Variants in AGPAT4 observed in about 807,000 individuals in gnomAD.
The protein encoded by AGPAT4 is 1-acylglycerol-3-phosphate O-acyltransferase 4.
In AGPAT4, 15 loss-of-function variants were observed where a neutral mutation model predicts 48.0. That is an observed-to-expected ratio of 0.31 (90% CI 0.21 to 0.48). AGPAT4 has a LOEUF of 0.48. Among genes scored for constraint, AGPAT4 ranks in the 20% least tolerant of loss-of-function variants. The pLI, the probability that AGPAT4 is intolerant of heterozygous loss-of-function variation, is 0.99. For missense variants in AGPAT4, 314 were observed against 482.5 expected (o/e 0.65, Z 3.27); for synonymous variants, 178 against 198.7 (o/e 0.90, Z 0.88).
At chr6:161,185,433 G>A (rs114920887) in intron 2 of AGPAT4, among the ~76,000 whole-genome samples, 2,341 of 152,072 alleles carry the variant, frequency 0.015, 60 homozygotes, top group African/African-American at 0.054. Context: ...TGGGGCTACA[G>A]GCCTGAGCCA....
chr6:161,183,982 C>T (rs1780689984), intron 2 of AGPAT4, among the ~76,000 whole-genome samples: 1 of 151,970 alleles, frequency 6.6e-6, no homozygotes, highest in Non-Finnish European at 1.5e-5. Context: ...GGCTCTTACT[C>T]TTGGTGAGAC....
In AGPAT4 at chr6:161,255,169, T is replaced by C. The variant is rs1782914082; in HGVS notation, c.-90+18769A>G. Reference sequence around the variant, plus strand: ...CCCTGTAATACCTCACACATCCAGTTCTCCTTCATTAGCTCTATGATAATG... The same window carrying C: ...CCCTGTAATACCTCACACATCCAGTCCTCCTTCATTAGCTCTATGATAATG... On this transcript the variant is annotated intron_variant, in intron 1 of 8. Coordinates refer to ENST00000320285, the MANE Select transcript of AGPAT4 (RefSeq NM_020133.3). The surrounding 1 kb of genome is among the most constrained non-coding windows in gnomAD (Gnocchi z 4.7). Among the ~76,000 whole-genome samples, 1 of 152,122 alleles carries C rather than the reference T, an allele frequency of 6.6e-6. No individual in the cohort carries two copies. Among genetic ancestry groups the C allele is most frequent in the Non-Finnish European group, 1.5e-5 (1 of 68,020 alleles).
At position 161,197,194 on chromosome 6, in the gene AGPAT4, C is replaced by T. The variant is rs1224046815; in HGVS notation, c.179-30777G>A. 4.6e-5 allele frequency among the ~76,000 whole-genome samples: 7 copies of T among 152,076 alleles called. No homozygotes were observed. The highest frequency in any genetic ancestry group is 7.4e-5 in the Non-Finnish European group (5 of 68,006). ...AAAATGAGATAAACCAATGCTTTTC[C>T]CTTTGGCCTTCTCCGAACGTTGAAT... On this transcript the variant is annotated intron_variant, in intron 2 of 8. Transcript: ENST00000320285. This position sits in a 1 kb window ranked among gnomAD's most constrained non-coding sequence, Gnocchi z 5.7.
intron 2 of AGPAT4, among the ~76,000 whole-genome samples, chr6:161,182,118 T>G (rs551621310): frequency 4.6e-5 from 7 of 152,156 alleles, no homozygotes; most frequent in South Asian, 2.1e-4. Flanking sequence ...CAAAGCAGAT[T>G]CTTGATGACA....
At position 161,153,387 on chromosome 6, in the gene AGPAT4, G is replaced by A. The variant is rs748017058; in HGVS notation, c.623C>T (p.Thr208Ile). Residue 208 changes from threonine to isoleucine, a missense_variant, in exon 5 of 9, where the codon ACC becomes ATC. Thr to Ile is a moderately conservative substitution (Grantham distance 89). Coordinates refer to ENST00000320285, the MANE Select transcript of AGPAT4 (RefSeq NM_020133.3). ...CCTCACGGTGATGGCGAAGCCCTTG[G>A]TTCGTGGCAACAGGTGATGCTTGAG... The part of the protein sequence containing the change: ...PRLKHHLLPR[T>I]KGFAITVRSL... 6.2e-7 allele frequency: 1 copy of A among 1,610,920 alleles called. No individual in the cohort carries two copies. Among genetic ancestry groups the A allele is most frequent in the South Asian group, 1.1e-5 (1 of 90,158 alleles).
Position 161,147,031 on chromosome 6 carries a change from C to T in AGPAT4, c.768-432G>A, listed in dbSNP as rs751394153. On this transcript the variant is annotated intron_variant, in intron 6 of 8. Transcript: ENST00000320285. This position sits in a 1 kb window ranked among gnomAD's most constrained non-coding sequence, Gnocchi z 4.8. ...AGTAATTTCTTCTTAGCCAAGTAAC[C>T]AACTTACTGGTAATGGCAGATTATC... is the stretch of plus-strand genomic sequence containing the variant. Among the ~76,000 whole-genome samples, 5 of 152,184 alleles carry T rather than the reference C, an allele frequency of 3.3e-5. No individual in the cohort carries two copies. The highest frequency in any genetic ancestry group is 4.8e-5 in the African/African-American group (2 of 41,440).
Position 161,232,976 on chromosome 6 carries a change from A to G in AGPAT4, c.-89-674T>C, listed in dbSNP as rs1031738448. On this transcript the variant is annotated intron_variant, in intron 1 of 8. Transcript: ENST00000320285. This position sits in a 1 kb window ranked among gnomAD's most constrained non-coding sequence, Gnocchi z 6.8. ...ACTTAATTTTAAAAAATATTTGTAG[A>G]ATGATTTAGTGAAGGTACACGAGGG... Among the ~76,000 whole-genome samples, 9 of 152,156 alleles carry G rather than the reference A, an allele frequency of 5.9e-5. No homozygotes were observed. The East Asian group carries it at 1.7e-3, about 29-fold the overall frequency.
At chr6:161,241,700 C>T (rs1034016859) in intron 1 of AGPAT4, among the ~76,000 whole-genome samples, 4 of 152,126 alleles carry the variant, frequency 2.6e-5, no homozygotes, top group Admixed American at 6.6e-5. Flanking sequence ...TAAGGCTTTC[C>T]GTAGCTTTAA....
chr6:161,155,759 G>A lies in AGPAT4; in HGVS notation c.349-1449C>T, dbSNP rs978501648. ...ATCCCCGTGGGTGGGTGAACCCACT[G>A]GTGCGGGTGTGAGGGCTTACCGTGT... On this transcript the variant is annotated intron_variant, in intron 3 of 8. Coordinates refer to ENST00000320285, the MANE Select transcript of AGPAT4 (RefSeq NM_020133.3). The surrounding 1 kb of genome is among the most constrained non-coding windows in gnomAD (Gnocchi z 5.8). 7.6e-4 allele frequency among the ~76,000 whole-genome samples: 116 copies of A among 152,340 alleles called. No homozygotes were observed. Among genetic ancestry groups the A allele is most frequent in the African/African-American group, 2.6e-3 (108 of 41,590 alleles).
chr6:161,183,885 G>C (rs889148576), intron 2 of AGPAT4, among the ~76,000 whole-genome samples: 2 of 151,666 alleles, frequency 1.3e-5, no homozygotes, highest in Non-Finnish European at 2.9e-5. Flanking sequence ...CCATATTCAA[G>C]GACAGCAAGG....
At position 161,218,627 on chromosome 6, in the gene AGPAT4, C is replaced by T. The variant is rs922942509; in HGVS notation, c.178+13409G>A. On this transcript the variant is annotated intron_variant, in intron 2 of 8. Transcript: ENST00000320285. The surrounding 1 kb of genome is among the most constrained non-coding windows in gnomAD (Gnocchi z 4.7). ...AACACCGGGGCAGGATCCTCCGCTC[C>T]ACGGCCCTAGCACAGTGTATCCACA... Among the ~76,000 whole-genome samples, 4 of 152,178 alleles carry T rather than the reference C, an allele frequency of 2.6e-5. No individual in the cohort carries two copies. The East Asian group carries it at 7.7e-4, about 29-fold the overall frequency.
rs1781709719 is a variant in AGPAT4 at position 161,218,222 on chromosome 6, G to T, written c.178+13814C>A. ...GGAAAATGGTTAACAACCAGCTCTT[G>T]TGTGGCAGGGGAGGCAGTAGGTGGG... On this transcript the variant is annotated intron_variant, in intron 2 of 8. Transcript: ENST00000320285. The surrounding 1 kb of genome is among the most constrained non-coding windows in gnomAD (Gnocchi z 4.7). Among the ~76,000 whole-genome samples, 1 of 152,166 alleles carries T rather than the reference G, an allele frequency of 6.6e-6. No homozygotes were observed.
intron 1 of AGPAT4, among the ~76,000 whole-genome samples, chr6:161,265,626 A>C (rs938657827): frequency 6.6e-6 from 1 of 152,232 alleles, no homozygotes; most frequent in East Asian, 1.9e-4. Context: ...TGCCTCTCTC[A>C]ATTTGTTCTT....
chr6:161,260,160 C>T (rs1184758703), intron 1 of AGPAT4, among the ~76,000 whole-genome samples: 1 of 152,192 alleles, frequency 6.6e-6, no homozygotes, highest in East Asian at 1.9e-4. Flanking sequence ...TCCCACCGCA[C>T]ATGGGAGTGT....
chr6:161,166,285 C>A lies in AGPAT4; in HGVS notation c.311G>T (p.Cys104Phe). The change falls in exon 3 of 9, where the codon TGT becomes TTT. Residue 104 changes from cysteine to phenylalanine, a missense_variant. Physicochemically the swap from Cys to Phe is radical, Grantham distance 205. Coordinates refer to ENST00000320285, the MANE Select transcript of AGPAT4 (RefSeq NM_020133.3). The surrounding 1 kb of genome is among the most constrained non-coding windows in gnomAD (Gnocchi z 6.7). ...LNHKFEIDFLCGWSLSERFGL... is the reference protein window; with the variant it reads ...LNHKFEIDFLFGWSLSERFGL... The stretch of plus-strand genomic sequence containing the variant: ...AAAGCGTTCGGACAGGCTCCAGCCA[C>A]ACAGAAAGTCAATTTCAAACTTGTG... 6.2e-7 allele frequency: 1 copy of A among 1,614,162 alleles called. No homozygotes were observed. Among genetic ancestry groups the A allele is most frequent in the Non-Finnish European group, 8.5e-7 (1 of 1,180,030 alleles).
At chr6:161,152,626 A>C (rs1437761070) in intron 5 of AGPAT4, among the ~76,000 whole-genome samples, 2 of 152,150 alleles carry the variant, frequency 1.3e-5, no homozygotes, top group Admixed American at 6.5e-5. Flanking sequence ...CAAGAGGATA[A>C]GGCCGAGGAA....
intron 2 of AGPAT4, among the ~76,000 whole-genome samples, chr6:161,207,005 T>C (rs572431586): frequency 6.6e-6 from 1 of 152,178 alleles, no homozygotes; most frequent in Non-Finnish European, 1.5e-5. Context: ...AATAGTCCTT[T>C]CAGTTATCTA....
intron 2 of AGPAT4, among the ~76,000 whole-genome samples, chr6:161,167,951 C>T (rs1562321338): frequency 6.6e-6 from 1 of 152,176 alleles, no homozygotes; most frequent in Non-Finnish European, 1.5e-5. Flanking sequence ...AAAACCACTC[C>T]CCTTCCTTCT....
In AGPAT4 at chr6:161,238,315, G is replaced by C. The variant is rs1360057593; in HGVS notation, c.-89-6013C>G. ...GTAAAGCATTGGAAACACTTGCCAG[G>C]ATGCCTGGAACGGGGAAAACCCCAA... On this transcript the variant is annotated intron_variant, in intron 1 of 8. Transcript: ENST00000320285. This position sits in a 1 kb window ranked among gnomAD's most constrained non-coding sequence, Gnocchi z 5.2. 3.9e-5 allele frequency among the ~76,000 whole-genome samples: 6 copies of C among 152,188 alleles called. No individual in the cohort carries two copies. Among genetic ancestry groups the C allele is most frequent in the Non-Finnish European group, 8.8e-5 (6 of 68,040 alleles).
Sources: gnomAD v4.1 joint callset for allele counts (sites outside exome capture counted in the v4.1 genomes callset) on GRCh38, gnomAD v4.1.1 for gene constraint, Gnocchi (gnomAD v3.1) non-coding constraint, MANE v1.5 for transcripts, NCBI Gene and HGNC (gene_info 2026-07-23, HGNC 2026-07-21) for gene names.